Variants in LUZP2 observed in about 807,000 individuals in gnomAD.
LUZP2 encodes the protein leucine zipper protein 2.
In LUZP2, 52 loss-of-function variants were observed where a neutral mutation model predicts 51.6. The observed-to-expected ratio is 1.01, with a 90% confidence interval of 0.81 to 1.27. The LOEUF (loss-of-function observed/expected upper bound fraction) is 1.27. LUZP2 is among the 50% of genes most tolerant of loss of function. LUZP2 has a pLI of 0.00. For missense variants in LUZP2, 436 were observed against 395.4 expected, an observed-to-expected ratio of 1.10 and a Z score of -0.87; for synonymous variants, 154 against 137.3, an observed-to-expected ratio of 1.12 and a Z score of -0.85.
At chr11:24,594,614 A>G (rs1464402724) in intron 1 of LUZP2, among the ~76,000 whole-genome samples, 4 of 152,184 alleles carry the variant, frequency 2.6e-5, no homozygotes, top group Non-Finnish European at 4.4e-5. Context: ...GCCAAATTCT[A>G]TAAACAAAAT....
At chr11:24,914,646 G>A in intron 7 of LUZP2, 108 bp downstream of exon 7, 1 of 762,372 alleles carries the variant, frequency 1.3e-6, no homozygotes, top group Admixed American at 3.1e-5. Context: ...ATGAATTGGA[G>A]TTGCATTTGA....
chr11:24,966,114 C>T (rs1855573880), intron 7 of LUZP2, among the ~76,000 whole-genome samples: 1 of 151,702 alleles, frequency 6.6e-6, no homozygotes, highest in Admixed American at 6.6e-5. Flanking sequence ...TGAACATATT[C>T]TCATGAGCAT....
intron 9 of LUZP2, among the ~76,000 whole-genome samples, chr11:24,998,894 A>G (rs963420243): frequency 1.3e-5 from 2 of 152,142 alleles, no homozygotes; most frequent in Admixed American, 1.3e-4. Context: ...CAGTTACTTC[A>G]TAAATTTTAA....
At chr11:24,889,646 C>G (rs1248568363) in intron 5 of LUZP2, among the ~76,000 whole-genome samples, 1 of 152,174 alleles carries the variant, frequency 6.6e-6, no homozygotes, top group Non-Finnish European at 1.5e-5. Flanking sequence ...TCTTTGAGGA[C>G]AGTCTCCCCT....
intron 9 of LUZP2, among the ~76,000 whole-genome samples, chr11:25,011,356 A>T (rs2133958400): frequency 6.6e-6 from 1 of 152,242 alleles, no homozygotes; most frequent in African/African-American, 2.4e-5. Context: ...ATGGCTTTGA[A>T]CTTTTGCATT....
intron 4 of LUZP2, among the ~76,000 whole-genome samples, chr11:24,755,956 C>A (rs561791372): frequency 5.1e-4 from 77 of 152,192 alleles, no homozygotes; most frequent in African/African-American, 1.6e-3. Flanking sequence ...ACATTAACTG[C>A]GAGCCTGGCA....
Position 24,699,086 on chromosome 11 carries a change from AACACACACACAC to A in LUZP2, c.63-30052_63-30041del, listed in dbSNP as rs67317108. Among the ~76,000 whole-genome samples the A allele has an allele frequency of 1.0e-3, 142 of 138,460 alleles. 1 individual carries two copies. The highest frequency in any genetic ancestry group is 3.7e-3 in the Middle Eastern group (1 of 272). 90.8% of individuals were successfully genotyped at this position (138,460 alleles called of 152,430 possible). On this transcript the variant is annotated intron_variant, in intron 1 of 11. Transcript: ENST00000336930. ...TAAATAAATGAAAACAAACCACAGA[AACACACACACAC>A]ACACACACACACACACACACACACA...
chr11:24,883,239 G>A (rs12360951), intron 5 of LUZP2, among the ~76,000 whole-genome samples: 65,254 of 151,682 alleles, frequency 0.43, 15,705 homozygotes, highest in East Asian at 0.65. Flanking sequence ...CTAAATGTAC[G>A]TTAAGAGCGT....
chr11:24,642,294 G>T (rs1855316573), intron 1 of LUZP2, among the ~76,000 whole-genome samples: 1 of 151,550 alleles, frequency 6.6e-6, no homozygotes, highest in Non-Finnish European at 1.5e-5. Context: ...TTTGTCCTGG[G>T]ATCTCCTGAT....
intron 7 of LUZP2, among the ~76,000 whole-genome samples, chr11:24,937,469 A>T (rs954378924): frequency 3.3e-5 from 5 of 152,214 alleles, no homozygotes; most frequent in African/African-American, 1.2e-4. Flanking sequence ...ATGCAAATAC[A>T]TTGTACAAAA....
intron 1 of LUZP2, among the ~76,000 whole-genome samples, chr11:24,632,552 G>A (rs12281460): frequency 0.43 from 65,049 of 151,602 alleles, 14,005 homozygotes; most frequent in Middle Eastern, 0.49. Flanking sequence ...AATCCCACGT[G>A]GCAACCACAG....
intron 1 of LUZP2, among the ~76,000 whole-genome samples, chr11:24,694,280 T>C (rs1421160885): frequency 6.6e-6 from 1 of 152,058 alleles, no homozygotes; most frequent in Non-Finnish European, 1.5e-5. Flanking sequence ...TATTTTGTTT[T>C]CTTAGTTTAG....
intron 1 of LUZP2, among the ~76,000 whole-genome samples, chr11:24,685,833 C>G (rs1856882292): frequency 6.6e-6 from 1 of 152,160 alleles, no homozygotes; most frequent in Non-Finnish European, 1.5e-5. Context: ...ATAATACATG[C>G]TTGTTGAATG....
intron 9 of LUZP2, among the ~76,000 whole-genome samples, chr11:25,009,302 ATGT>A (rs1856919006): frequency 6.6e-6 from 1 of 152,162 alleles, no homozygotes; most frequent in African/African-American, 2.4e-5. Flanking sequence ...TTCAGCAAAA[ATGT>A]TGTCATTTTT....
chr11:25,000,341 G>A (rs1241894077), intron 9 of LUZP2, among the ~76,000 whole-genome samples: 5 of 152,222 alleles, frequency 3.3e-5, no homozygotes, highest in South Asian at 4.1e-4. Flanking sequence ...GCTGATGACT[G>A]CTCTAGCTAC....
At chr11:25,025,523 C>T (rs1459040930) in intron 9 of LUZP2, among the ~76,000 whole-genome samples, 3 of 152,204 alleles carry the variant, frequency 2.0e-5, no homozygotes, top group Non-Finnish European at 4.4e-5. Flanking sequence ...GACATTTATT[C>T]ACCCAACAGA....
chr11:24,956,447 A>G (rs1367244783), intron 7 of LUZP2, among the ~76,000 whole-genome samples: 1 of 152,130 alleles, frequency 6.6e-6, no homozygotes, highest in Non-Finnish European at 1.5e-5. Context: ...ATGATTTGTT[A>G]CAGCAGCCAT....
intron 5 of LUZP2, among the ~76,000 whole-genome samples, chr11:24,854,667 GAAAAAAA>G (rs34378292): frequency 7.4e-6 from 1 of 135,658 alleles, no homozygotes. Flanking sequence ...ACTGGGATAT[GAAAAAAA>G]AAAAAAAAAA....
chr11:24,987,089 A>G (rs7117863), intron 9 of LUZP2, among the ~76,000 whole-genome samples: 1 of 151,514 alleles, frequency 6.6e-6, no homozygotes, highest in Non-Finnish European at 1.5e-5. Flanking sequence ...GAGGAGATCA[A>G]ATACAAAAAT....
Sources: gnomAD v4.1 joint callset for allele counts (sites outside exome capture counted in the v4.1 genomes callset) on GRCh38, gnomAD v4.1.1 for gene constraint, MANE v1.5 for transcripts, NCBI Gene and HGNC (gene_info 2026-07-23, HGNC 2026-07-21) for gene names.